Variants in FREM1 observed in about 807,000 individuals in gnomAD.
FREM1 encodes the protein FRAS1 related extracellular matrix 1, also known as FRAS1-related extracellular matrix protein 1.
Under a neutral mutation model 210.1 loss-of-function variants are expected in FREM1, and 220 were observed. The ratio of observed to expected loss-of-function variants is 1.05; its 90% CI spans 0.94 to 1.17. The LOEUF (loss-of-function observed/expected upper bound fraction) is 1.17, where lower values mean the gene tolerates loss of function less well. Ranked by LOEUF, FREM1 falls within the 50% of genes most tolerant of loss-of-function variation. The pLI is 0.00. For synonymous variants in FREM1, 1,189 were observed against 980.2 expected, an observed-to-expected ratio of 1.21 and a Z score of -3.98; for missense variants, 3,454 against 2,675.5, an observed-to-expected ratio of 1.29 and a Z score of -6.42.
At chr9:14,815,277 T>C (rs1282379506) in intron 15 of FREM1, among the ~76,000 whole-genome samples, 1 of 152,210 alleles carries the variant, frequency 6.6e-6, no homozygotes, top group Non-Finnish European at 1.5e-5. Flanking sequence ...TAGTCAATGA[T>C]TTTGGGCAAG....
At chr9:14,809,604 A>G (rs761496197) in intron 16 of FREM1, among the ~76,000 whole-genome samples, 18 of 152,224 alleles carry the variant, frequency 1.2e-4, no homozygotes, top group Non-Finnish European at 2.2e-4. Context: ...TGTGAGAAAG[A>G]GTCAAAAATA....
chr9:14,861,566 C>T (rs866409978), intron 3 of FREM1, among the ~76,000 whole-genome samples: 1 of 135,376 alleles, frequency 7.4e-6, no homozygotes, highest in African/African-American at 2.8e-5. Flanking sequence ...GAGTGCAGTG[C>T]TGTAATCTCG....
intron 19 of FREM1, among the ~76,000 whole-genome samples, chr9:14,803,732 T>A (rs1387148000): frequency 6.6e-6 from 1 of 152,118 alleles, no homozygotes; most frequent in Non-Finnish European, 1.5e-5. Flanking sequence ...GCAACCACAT[T>A]TTATTGAACA....
chr9:14,776,871 C>G (rs1465763336), intron 24 of FREM1, among the ~76,000 whole-genome samples: 1 of 152,160 alleles, frequency 6.6e-6, no homozygotes, highest in Non-Finnish European at 1.5e-5. Context: ...ACGGGAGGCT[C>G]TAATCTCTTA....
In FREM1 at chr9:14,860,886, CATATATACAT is replaced by C. The variant is rs1306641760; in HGVS notation, c.330-1412_330-1403del. Among the ~76,000 whole-genome samples, 169 of 61,338 alleles carry C rather than the reference CATATATACAT, an allele frequency of 2.8e-3. 32 individuals carry two copies. The South Asian group carries it at 0.062, about 23-fold the overall frequency. 40.2% of individuals were successfully genotyped at this position (61,338 alleles called of 152,430 possible). On this transcript the variant is annotated intron_variant, in intron 3 of 36. Transcript: ENST00000380880. ...ACACATATATATACGTATATATACA[CATATATACAT>C]ATATACACATATACACATATACACA...
chr9:14,853,846 G>C (rs1828219863), intron 5 of FREM1, among the ~76,000 whole-genome samples: 1 of 152,196 alleles, frequency 6.6e-6, no homozygotes, highest in African/African-American at 2.4e-5. Flanking sequence ...AAACTCAAGA[G>C]GGGTAAATTG....
chr9:14,886,011 C>G (rs1161702908), intron 1 of FREM1, among the ~76,000 whole-genome samples: 1 of 152,114 alleles, frequency 6.6e-6, no homozygotes, highest in African/African-American at 2.4e-5. Flanking sequence ...CTCCCCAGCC[C>G]CTGGTAACCA....
At chr9:14,901,542 T>A (rs1450745284) in intron 1 of FREM1, among the ~76,000 whole-genome samples, 3 of 151,668 alleles carry the variant, frequency 2.0e-5, no homozygotes, top group Non-Finnish European at 4.4e-5. Flanking sequence ...AAAAATCAAT[T>A]TTTTGAGGGG....
chr9:14,762,341 T>C (rs1355392299), intron 27 of FREM1, among the ~76,000 whole-genome samples: 1 of 152,228 alleles, frequency 6.6e-6, no homozygotes, highest in African/African-American at 2.4e-5. Context: ...GTCCAATTCT[T>C]CTGAGAATTC....
rs566703085 is a variant in FREM1, at chr9:14,766,037, A to C, written c.5204+3687T>G. Among the ~76,000 whole-genome samples, 10 of 152,176 alleles carry C rather than the reference A, an allele frequency of 6.6e-5. No individual in the cohort carries two copies. The East Asian group carries it at 1.7e-3, about 27-fold the overall frequency. ...TCAACTTGGACTAGAAAACAGGCAC[A>C]AGCTTGTCAAGGGGTGCAGCCAGGG... On this transcript the variant is annotated intron_variant, in intron 27 of 36. Coordinates refer to ENST00000380880, the MANE Select transcript of FREM1 (RefSeq NM_001379081.2).
chr9:14,863,212 G>A (rs1348121458), intron 3 of FREM1, among the ~76,000 whole-genome samples: 3 of 151,546 alleles, frequency 2.0e-5, no homozygotes, highest in Non-Finnish European at 4.4e-5. Flanking sequence ...GTAGTGGTGG[G>A]CGCCTGTAGT....
chr9:14,876,546 G>A (rs1459279622), intron 1 of FREM1, among the ~76,000 whole-genome samples: 1 of 152,198 alleles, frequency 6.6e-6, no homozygotes, highest in African/African-American at 2.4e-5. Context: ...ACAGTATGAG[G>A]GTGGGAGTGA....
Position 14,869,034 on chromosome 9 carries a change from G to C in FREM1, c.-57C>G. On this transcript the variant is annotated 5_prime_UTR_variant, in exon 2 of 37. Transcript: ENST00000380880. ...GGCGAAATCCCTTTAACAAAGGAGG[G>C]CTTCTGTGCTTCCTCCTGGAGGGTC... The C allele has an allele frequency of 8.3e-7, 1 of 1,207,236 alleles. No homozygotes were observed. The highest frequency in any genetic ancestry group is 2.3e-5 in the Admixed American group (1 of 44,124). 74.8% of individuals were successfully genotyped at this position (1,207,236 alleles called of 1,614,324 possible).
intron 3 of FREM1, among the ~76,000 whole-genome samples, chr9:14,860,546 C>CATACATATATACACAT (rs1829631649): frequency 9.5e-6 from 1 of 104,922 alleles, no homozygotes; most frequent in African/African-American, 5.3e-5. Flanking sequence ...TATATATACA[C>CATACATATATACACAT]ATATATATAC....
At position 14,903,700 on chromosome 9, in the gene FREM1, G is replaced by A. The variant is rs73642455; in HGVS notation, c.-268+6214C>T. Reference sequence around the variant, plus strand: ...TGAAGGCAGAAGGACAACACTGTCCGCTGCATGTAATATGAGTTCAACTTT... The same window carrying A: ...TGAAGGCAGAAGGACAACACTGTCCACTGCATGTAATATGAGTTCAACTTT... On this transcript the variant is annotated intron_variant, in intron 1 of 36. Transcript: ENST00000380880. 5.0e-3 allele frequency among the ~76,000 whole-genome samples: 769 copies of A among 152,296 alleles called. 3 individuals carry two copies. Among genetic ancestry groups the A allele is most frequent in the African/African-American group, 0.018 (732 of 41,566 alleles).
chr9:14,798,507 G>C (rs1459430197), intron 20 of FREM1, among the ~76,000 whole-genome samples: 1 of 152,006 alleles, frequency 6.6e-6, no homozygotes, highest in Non-Finnish European at 1.5e-5. Flanking sequence ...TGCTCAAGAG[G>C]CTCAGGCAGG....
Position 14,804,979 on chromosome 9 carries a change from C to T in FREM1, c.3448G>A (p.Asp1150Asn). 1 of 1,612,948 alleles carries T rather than the reference C, an allele frequency of 6.2e-7. No individual in the cohort carries two copies. Among genetic ancestry groups the T allele is most frequent in the Admixed American group, 1.7e-5 (1 of 60,008 alleles). ...IINPTNDEAP[D>N]FVVQNITVCE... Reference sequence around the variant, plus strand: ...ACAGTAATATTCTGCACTACAAAGTCAGGAGCTTCATCATTTGTGGGGTTG... The same window carrying T: ...ACAGTAATATTCTGCACTACAAAGTTAGGAGCTTCATCATTTGTGGGGTTG... The change falls in exon 19 of 37, where the codon GAC becomes AAC. Residue 1150 changes from aspartate (D) to asparagine (N), a missense_variant. By Grantham distance (23) the Asp-to-Asn change is conservative (BLOSUM62 1). Transcript: ENST00000380880.
At chr9:14,863,718 C>G in intron 3 of FREM1, 91 bp downstream of exon 3, 1 of 743,528 alleles carries the variant, frequency 1.3e-6, no homozygotes, top group South Asian at 1.7e-5. Flanking sequence ...ATTAACTCCC[C>G]TCATGACAAT....
intron 5 of FREM1, among the ~76,000 whole-genome samples, chr9:14,856,004 C>T (rs1264238915): frequency 6.6e-6 from 1 of 152,024 alleles, no homozygotes; most frequent in Non-Finnish European, 1.5e-5. Flanking sequence ...TATGTCACTT[C>T]TCGGGGCCAC....
Sources: allele counts gnomAD v4.1 joint callset (sites outside exome capture counted in the v4.1 genomes callset), GRCh38; gene constraint gnomAD v4.1.1; transcripts MANE v1.5; gene names NCBI Gene and HGNC (gene_info 2026-07-23, HGNC 2026-07-21).